The following TARS3 variants were observed in gnomAD, a reference collection of about 807,000 sequenced individuals.
TARS3 encodes threonine--tRNA ligase 2, cytoplasmic.
A neutral mutation model predicts 103.5 loss-of-function variants in TARS3; 94 were observed. That is an observed-to-expected ratio of 0.91 (90% CI 0.77 to 1.08). TARS3 has a LOEUF of 1.08. TARS3 is among the 50% of genes least tolerant of loss of function. The pLI, the probability that TARS3 is intolerant of heterozygous loss-of-function variation, is 0.00. For missense variants in TARS3, 952 were observed against 995.2 expected (o/e 0.96, Z 0.58); for synonymous variants, 416 against 355.4 (o/e 1.17, Z -1.92).
At chr15:101,694,960 G>C (rs565976208) in intron 10 of TARS3, among the ~76,000 whole-genome samples, 48 of 152,300 alleles carry the variant, frequency 3.2e-4, no homozygotes, top group African/African-American at 1.2e-3. Flanking sequence ...CAAAGTCCTG[G>C]CGAGTTTCGG....
At chr15:101,707,835 T>A (rs1899646499) in intron 6 of TARS3, among the ~76,000 whole-genome samples, 2 of 152,224 alleles carry the variant, frequency 1.3e-5, no homozygotes, top group Admixed American at 6.5e-5. Context: ...GATTAAATGG[T>A]AAATTTTATA....
rs759548860 is a variant in TARS3 at position 101,662,425 on chromosome 15, T to C, written c.1968-609A>G. Among the ~76,000 whole-genome samples the C allele has an allele frequency of 2.0e-5, 3 of 152,240 alleles. No homozygotes were observed. In the South Asian group the frequency reaches 6.2e-4, roughly 32 times the overall value. On this transcript the variant is annotated intron_variant, in intron 15 of 18. Transcript: ENST00000335968. ...CTTACAAAGTTCTTTTGATAAATTT[T>C]TATCTAAAAATTATACCAGCTAGCT...
chr15:101,680,856 A>G (rs1421975049), intron 12 of TARS3, among the ~76,000 whole-genome samples: 2 of 152,154 alleles, frequency 1.3e-5, no homozygotes, highest in African/African-American at 4.8e-5. Context: ...CTTTGGTGTC[A>G]TATCTGAGAA....
chr15:101,720,034 C>T (rs905355673), intron 3 of TARS3, among the ~76,000 whole-genome samples: 14 of 152,214 alleles, frequency 9.2e-5, no homozygotes, highest in African/African-American at 3.1e-4. Flanking sequence ...TAACATGCAA[C>T]CTGACTCTCC....
intron 10 of TARS3, among the ~76,000 whole-genome samples, chr15:101,694,044 A>G (rs1898856705): frequency 6.6e-6 from 1 of 152,220 alleles, no homozygotes; most frequent in Non-Finnish European, 1.5e-5. Context: ...AAAAAAGGTA[A>G]GAAAAGTACA....
At chr15:101,700,493 G>A (rs1449116409) in intron 10 of TARS3, among the ~76,000 whole-genome samples, 1 of 152,124 alleles carries the variant, frequency 6.6e-6, no homozygotes, top group Non-Finnish European at 1.5e-5. Context: ...CACAGGGAGT[G>A]CCACACTTAG....
chr15:101,702,111 G>GT lies in TARS3; in HGVS notation c.1221+127dup, dbSNP rs563946182. 201 of 1,058,186 alleles carry GT rather than the reference G, an allele frequency of 1.9e-4. 2 individuals are homozygous for GT. Among genetic ancestry groups the GT allele is most frequent in the South Asian group, 1.4e-3 (94 of 66,846 alleles). 65.5% of individuals were successfully genotyped at this position (1,058,186 alleles called of 1,614,324 possible). On this transcript the variant is annotated intron_variant, in intron 9 of 18. Coordinates refer to ENST00000335968, the MANE Select transcript of TARS3 (RefSeq NM_152334.3). Reference sequence around the variant, plus strand: ...AAATGAAAGCACTGAGCAGCGGACTGTGAGTGCCAGCAAAATAGGAGAGAA... The same window carrying GT: ...AAATGAAAGCACTGAGCAGCGGACTGTTGAGTGCCAGCAAAATAGGAGAGAA...
At chr15:101,708,960 T>G in intron 5 of TARS3, 50 bp from the exon 6 acceptor site, 36 of 1,161,110 alleles carry the variant, frequency 3.1e-5, no homozygotes, top group Non-Finnish European at 3.8e-5. Context: ...CATTATGCAT[T>G]CCCTCTTTCC....
At chr15:101,701,800 G>A (rs1413555076) in intron 9 of TARS3, among the ~76,000 whole-genome samples, 1 of 151,350 alleles carries the variant, frequency 6.6e-6, no homozygotes, top group Non-Finnish European at 1.5e-5. Context: ...TTTTGAGACT[G>A]AGTCTCACTC....
intron 3 of TARS3, among the ~76,000 whole-genome samples, chr15:101,716,855 A>ATT (rs34234379): frequency 0.018 from 2,399 of 131,606 alleles, 80 homozygotes; most frequent in African/African-American, 0.049. Context: ...CTACAATGTA[A>ATT]TTTTTTTTTT....
intron 10 of TARS3, among the ~76,000 whole-genome samples, chr15:101,689,880 G>A (rs988781556): frequency 5.9e-5 from 9 of 152,212 alleles, no homozygotes; most frequent in Admixed American, 1.3e-4. Flanking sequence ...AGGATAAGGC[G>A]AATGTGGAAT....
rs183420586 is a variant in TARS3 at position 101,658,026 on chromosome 15, T to C, written c.2073-169A>G. On this transcript the variant is annotated intron_variant, in intron 16 of 18. Coordinates refer to ENST00000335968, the MANE Select transcript of TARS3 (RefSeq NM_152334.3). ...TAAAGTTTGAAGGCAGCAAAGTAAA[T>C]GAAAGGAGAATTTTGGAATTTTGAT... Among the ~76,000 whole-genome samples, 305 of 152,154 alleles carry C rather than the reference T, an allele frequency of 2.0e-3. 3 individuals are homozygous for C. Among genetic ancestry groups the C allele is most frequent in the Non-Finnish European group, 2.6e-3 (176 of 67,990 alleles).
chr15:101,714,854 C>T lies in TARS3; in HGVS notation c.676G>A (p.Glu226Lys). ...SSLELLTFDN[E>K]EAQAVYWHSS... Reference sequence around the variant, plus strand: ...TAAATACTCACAGCTTGAGCTTCCTCATTATCAAATGTAAGCAGCTCTAGA... The same window carrying T: ...TAAATACTCACAGCTTGAGCTTCCTTATTATCAAATGTAAGCAGCTCTAGA... The change falls in exon 4 of 19, where the codon GAG becomes AAG. Residue 226 changes from glutamate to lysine, a missense_variant. By Grantham distance (56) the Glu-to-Lys change is moderately conservative (BLOSUM62 1). Transcript: ENST00000335968. The T allele has an allele frequency of 6.2e-7, 1 of 1,606,108 alleles. No homozygotes were observed. The highest frequency in any genetic ancestry group is 1.1e-5 in the South Asian group (1 of 89,590).
At chr15:101,690,204 C>T (rs530644174) in intron 10 of TARS3, among the ~76,000 whole-genome samples, 2 of 152,356 alleles carry the variant, frequency 1.3e-5, no homozygotes, top group East Asian at 3.9e-4. Context: ...TGTCTCGCCT[C>T]ATCTTGGCCC....
intron 16 of TARS3, among the ~76,000 whole-genome samples, chr15:101,660,497 C>T (rs1897335926): frequency 6.6e-6 from 1 of 152,164 alleles, no homozygotes; most frequent in Admixed American, 6.5e-5. Context: ...CCTGGCAGCA[C>T]CTAAGTACAT....
chr15:101,677,194 T>G (rs1898061804), intron 12 of TARS3, among the ~76,000 whole-genome samples: 1 of 152,224 alleles, frequency 6.6e-6, no homozygotes, highest in African/African-American at 2.4e-5. Flanking sequence ...GGAATGCCTG[T>G]GAGTGCGTTT....
chr15:101,690,903 C>T lies in TARS3; in HGVS notation c.1321-4841G>A, dbSNP rs150977141. ...TCTCTAAGTATATGATAACTGTTTC[C>T]TCACATTTCCTTCAGCAATGAAAAT... On this transcript the variant is annotated intron_variant, in intron 10 of 18. Coordinates refer to ENST00000335968, the MANE Select transcript of TARS3 (RefSeq NM_152334.3). Among the ~76,000 whole-genome samples, 571 of 152,066 alleles carry T rather than the reference C, an allele frequency of 3.8e-3. 5 individuals are homozygous for T. Among genetic ancestry groups the T allele is most frequent in the African/African-American group, 0.013 (532 of 41,458 alleles).
intron 10 of TARS3, among the ~76,000 whole-genome samples, chr15:101,697,950 G>A (rs1458826718): frequency 6.6e-6 from 1 of 152,182 alleles, no homozygotes; most frequent in Non-Finnish European, 1.5e-5. Context: ...GTTTTTAAAG[G>A]AATTGTACTA....
At chr15:101,674,799 C>T (rs966540804) in intron 13 of TARS3, among the ~76,000 whole-genome samples, 9 of 149,178 alleles carry the variant, frequency 6.0e-5, no homozygotes, top group Admixed American at 3.3e-4. Context: ...AGCAAGACTC[C>T]GTCTCAAAAA....
Sources: allele counts gnomAD v4.1 joint callset (sites outside exome capture counted in the v4.1 genomes callset), GRCh38; gene constraint gnomAD v4.1.1; transcripts MANE v1.5; gene names NCBI Gene and HGNC (gene_info 2026-07-23, HGNC 2026-07-21).